SKAP1: variants seen among roughly 807,000 people sequenced by gnomAD.
The protein encoded by SKAP1 is src kinase associated phosphoprotein 1, also known as src kinase-associated phosphoprotein 1.
Under a neutral mutation model 58.5 loss-of-function variants are expected in SKAP1, and 44 were observed. That is an observed-to-expected ratio of 0.75 (90% confidence interval 0.59 to 0.97). The LOEUF (loss-of-function observed/expected upper bound fraction) is 0.97, where lower values mean the gene tolerates loss of function less well. SKAP1 is among the 50% of genes least tolerant of loss of function. The probability of loss-of-function intolerance (pLI) is 0.00; values close to 1 mark genes in which losing one functional copy is unlikely to be tolerated. For synonymous variants in SKAP1, 127 were observed against 149.7 expected (o/e 0.85, Z 1.11); for missense variants, 390 against 435.2 (o/e 0.90, Z 0.92).
chr17:48,443,317 C>T, the SKAP1 span, among the ~76,000 whole-genome samples: 1 of 152,188 alleles, frequency 6.6e-6, no homozygotes, highest in African/African-American at 2.4e-5. Context: ...CAACCTAATA[C>T]TTGTCTACCT....
chr17:48,253,743 C>T (rs2065393360), intron 4 of SKAP1, among the ~76,000 whole-genome samples: 1 of 151,994 alleles, frequency 6.6e-6, no homozygotes, highest in East Asian at 1.9e-4. Flanking sequence ...TCTGAGAGAT[C>T]AAGAGATGCT....
At chr17:48,314,430 C>A (rs2066263260) in intron 4 of SKAP1, among the ~76,000 whole-genome samples, 1 of 152,148 alleles carries the variant, frequency 6.6e-6, no homozygotes, top group South Asian at 2.1e-4. Context: ...AAAAAGTAAT[C>A]TTTCATCTGA....
intron 4 of SKAP1, chr17:48,193,646 A>C (rs890510371): frequency 4.1e-6 from 4 of 974,050 alleles, no homozygotes; most frequent in Non-Finnish European, 4.9e-6. Flanking sequence ...AGTGGCATGC[A>C]AGGTACCTCC....
intron 3 of SKAP1, among the ~76,000 whole-genome samples, chr17:48,351,880 T>C (rs935194551): frequency 1.3e-5 from 2 of 152,140 alleles, no homozygotes; most frequent in Non-Finnish European, 2.9e-5. Context: ...AATGATATTC[T>C]CAGAATGAAC....
At chr17:48,272,069 T>A (rs1049661749) in intron 4 of SKAP1, among the ~76,000 whole-genome samples, 4 of 152,196 alleles carry the variant, frequency 2.6e-5, no homozygotes, top group African/African-American at 9.6e-5. Context: ...GGCTATTTAA[T>A]TCATGTAGAA....
chr17:48,195,384 TC>T (rs1250013106), intron 4 of SKAP1, among the ~76,000 whole-genome samples: 2 of 152,206 alleles, frequency 1.3e-5, no homozygotes, highest in Non-Finnish European at 2.9e-5. Flanking sequence ...TTCTTTAACT[TC>T]CGTGGTTCCA....
chr17:48,371,022 G>A (rs1278233340), intron 2 of SKAP1, among the ~76,000 whole-genome samples: 2 of 152,160 alleles, frequency 1.3e-5, no homozygotes, highest in Admixed American at 6.5e-5. Context: ...GCAAATTAAT[G>A]CAGAAACAGA....
chr17:48,442,809 A>T, the SKAP1 span, among the ~76,000 whole-genome samples: 1 of 151,924 alleles, frequency 6.6e-6, no homozygotes, highest in Non-Finnish European at 1.5e-5. Context: ...CCACCAACCC[A>T]TTTTCCACCC....
At chr17:48,231,511 T>A (rs995284338) in intron 4 of SKAP1, among the ~76,000 whole-genome samples, 9 of 150,618 alleles carry the variant, frequency 6.0e-5, no homozygotes, top group Non-Finnish European at 1.2e-4. Context: ...CTAAATACTC[T>A]ATGTAGTTGA....
At chr17:48,205,498 A>G (rs1479582064) in intron 4 of SKAP1, among the ~76,000 whole-genome samples, 1 of 152,198 alleles carries the variant, frequency 6.6e-6, no homozygotes, top group Non-Finnish European at 1.5e-5. Flanking sequence ...AGGGAAGGAC[A>G]TTATCAAAGA....
intron 1 of SKAP1, among the ~76,000 whole-genome samples, chr17:48,407,415 GAA>G (rs943304041): frequency 6.6e-6 from 1 of 152,164 alleles, no homozygotes; most frequent in Non-Finnish European, 1.5e-5. Flanking sequence ...TGATAAGAAA[GAA>G]AAAGAGTGGG....
At chr17:48,177,436 C>T (rs1442597826) in intron 9 of SKAP1, among the ~76,000 whole-genome samples, 4 of 152,162 alleles carry the variant, frequency 2.6e-5, no homozygotes, top group Non-Finnish European at 4.4e-5. Context: ...CTATTGTTTT[C>T]CCTGTTTTGC....
At chr17:48,424,308 C>T (rs2067830915) in intron 1 of SKAP1, among the ~76,000 whole-genome samples, 1 of 145,690 alleles carries the variant, frequency 6.9e-6, no homozygotes, top group South Asian at 2.2e-4. Context: ...TCACTGCAAG[C>T]TCTCCCTCCC....
chr17:48,208,200 T>C (rs1027074647), intron 4 of SKAP1, among the ~76,000 whole-genome samples: 25 of 152,086 alleles, frequency 1.6e-4, no homozygotes, highest in African/African-American at 6.0e-4. Flanking sequence ...ACAACGGCAA[T>C]ATGAAGATAT....
chr17:48,272,073 T>C (rs938359103), intron 4 of SKAP1, among the ~76,000 whole-genome samples: 1 of 152,168 alleles, frequency 6.6e-6, no homozygotes, highest in Non-Finnish European at 1.5e-5. Context: ...ATTTAATTCA[T>C]GTAGAAAATT....
At chr17:48,437,832 A>T in the SKAP1 span, among the ~76,000 whole-genome samples, 2 of 150,776 alleles carry the variant, frequency 1.3e-5, no homozygotes, top group Non-Finnish European at 3.0e-5. Context: ...GTCATCTTCG[A>T]CCCTTCCTCA....
intron 3 of SKAP1, among the ~76,000 whole-genome samples, chr17:48,354,399 A>G (rs1380571184): frequency 6.6e-6 from 1 of 152,266 alleles, no homozygotes; most frequent in Non-Finnish European, 1.5e-5. Context: ...TAATTGAGGC[A>G]TCACTAACAC....
At chr17:48,287,274 C>T (rs904459104) in intron 4 of SKAP1, among the ~76,000 whole-genome samples, 5 of 152,032 alleles carry the variant, frequency 3.3e-5, no homozygotes, top group African/African-American at 1.2e-4. Flanking sequence ...CAACATCCCT[C>T]AAACCTACAA....
At chr17:48,170,193 T>C (rs1243875220) in intron 10 of SKAP1, among the ~76,000 whole-genome samples, 1 of 152,232 alleles carries the variant, frequency 6.6e-6, no homozygotes, top group African/African-American at 2.4e-5. Flanking sequence ...ACTTTTCAGA[T>C]CTGACACATT....
Sources: allele counts gnomAD v4.1 joint callset (sites outside exome capture counted in the v4.1 genomes callset), GRCh38; gene constraint gnomAD v4.1.1; transcripts MANE v1.5; gene names NCBI Gene and HGNC (gene_info 2026-07-23, HGNC 2026-07-21).